Variants in TASOR observed in about 807,000 individuals in gnomAD.
TASOR encodes the protein transcription activation suppressor, also known as protein TASOR.
In TASOR, 53 loss-of-function variants were observed where a neutral mutation model predicts 178.6. The ratio of observed to expected loss-of-function variants is 0.30; its 90% confidence interval spans 0.24 to 0.37. The LOEUF is 0.37. TASOR is among the 10% of genes least tolerant of loss of function. The pLI is 1.00. For synonymous variants in TASOR, 713 were observed against 696.2 expected, an observed-to-expected ratio of 1.02 and a Z score of -0.38; for missense variants, 1,815 against 1,971.4, an observed-to-expected ratio of 0.92 and a Z score of 1.50.
At position 56,650,785 on chromosome 3, in the gene TASOR, G is replaced by C. The variant is rs891315158; in HGVS notation, c.1369-1728C>G. ...TTGGCCCTGCAAGATATTTAACTGG[G>C]TCTTACGGCTACCATTTATAGCCAC... On this transcript the variant is annotated intron_variant, in intron 11 of 23. Transcript: ENST00000683822. Among the ~76,000 whole-genome samples the C allele has an allele frequency of 4.6e-5, 7 of 152,258 alleles. 1 individual carries two copies. Among genetic ancestry groups the C allele is most frequent in the Admixed American group, 1.3e-4 (2 of 15,296 alleles).
chr3:56,663,933 A>G (rs763557604), intron 7 of TASOR: 19 of 862,610 alleles, frequency 2.2e-5, no homozygotes, highest in Non-Finnish European at 2.2e-5. Context: ...CAGTAAATAC[A>G]TACTAAGCTC....
At position 56,647,102 on chromosome 3, in the gene TASOR, T is replaced by G; in HGVS notation, c.1635A>C (p.Ile545=). 1 of 1,606,298 alleles carries G rather than the reference T, an allele frequency of 6.2e-7. No individual in the cohort carries two copies. The highest frequency in any genetic ancestry group is 8.5e-7 in the Non-Finnish European group (1 of 1,178,304). ...LIQCRKEFKN[I]SAINFHSVVE... ...CAACAGAATGAAAATTTATGGCGCT[T>G]ATATTTTTGAATTCCTTTCGACACT... The change falls in exon 14 of 24, where the codon ATA becomes ATC. Residue 545 remains isoleucine, a synonymous_variant. Coordinates refer to ENST00000683822, the MANE Select transcript of TASOR (RefSeq NM_001365635.2).
chr3:56,658,946 CTGTG>C (rs58622702), intron 11 of TASOR, among the ~76,000 whole-genome samples: 6,076 of 147,496 alleles, frequency 0.041, 194 homozygotes, highest in Middle Eastern at 0.065. Flanking sequence ...GAGAGAGAGA[CTGTG>C]TGTGTGTGTG....
At chr3:56,643,769 C>CA (rs66937003) in intron 14 of TASOR, among the ~76,000 whole-genome samples, 19 of 101,772 alleles carry the variant, frequency 1.9e-4, no homozygotes, top group Middle Eastern at 5.0e-3. Context: ...AAAAAAAAAA[C>CA]AAAAAAAAAA....
intron 23 of TASOR, 144 bp from the exon 24 acceptor site, chr3:56,623,710 A>G: frequency 1.3e-6 from 2 of 1,541,808 alleles, no homozygotes; most frequent in Non-Finnish European, 1.7e-6. Flanking sequence ...CCACAAGTTC[A>G]CTTAGTCACA....
Position 56,648,991 on chromosome 3 carries a change from G to A in TASOR, c.1435C>T (p.Pro479Ser). ...TTAAAGAGAGACCACCTACCATATG[G>A]AGGAACCATCTGATAAGGGGAGAGA... ...FLLSPYQMVP[P>S]YEYQTAKSRV... is the part of the protein sequence containing the mutation. Residue 479 changes from proline to serine, a missense_variant, in exon 12 of 24, where the codon CCA becomes TCA. Physicochemically the swap from Pro to Ser is moderately conservative, Grantham distance 74 (BLOSUM62 -1). Around this residue, in one of 5 missense-constraint regions of TASOR, gnomAD observed 504 missense variants for 645.3 expected, o/e 0.78. Coordinates refer to ENST00000683822, the MANE Select transcript of TASOR (RefSeq NM_001365635.2). 2 of 1,608,110 alleles carry A rather than the reference G, an allele frequency of 1.2e-6. No homozygotes were observed. Among genetic ancestry groups the A allele is most frequent in the Non-Finnish European group, 1.7e-6 (2 of 1,178,234 alleles).
intron 4 of TASOR, 73 bp from the exon 5 acceptor site, chr3:56,669,864 TAAGAAGTTA>T: frequency 8.8e-7 from 1 of 1,138,892 alleles, no homozygotes; most frequent in Non-Finnish European, 1.2e-6. Flanking sequence ...AAGACATTTT[TAAGAAGTTA>T]TCCTTCATCA....
At chr3:56,681,858 T>C (rs1387921485) in intron 1 of TASOR, among the ~76,000 whole-genome samples, 3 of 152,200 alleles carry the variant, frequency 2.0e-5, no homozygotes, top group Admixed American at 6.5e-5. Flanking sequence ...TGTAACTGTT[T>C]CCATATGGGT....
At chr3:56,664,157 T>C (rs141677523) in intron 7 of TASOR, 2 of 151,038 alleles carry the variant, frequency 1.3e-5, no homozygotes, top group East Asian at 3.9e-4. Flanking sequence ...AAATGTAGAA[T>C]GAATTATGCA....
At position 56,631,069 on chromosome 3, in the gene TASOR, C is replaced by G. The variant is rs373566921; in HGVS notation, c.3747+1975G>C. ...ACTGTGCTAGGGAACTTGTTGCTGG[C>G]TGGTGGGGAAAAGTTGAGAAACTCT... On this transcript the variant is annotated intron_variant, in intron 18 of 23. Coordinates refer to ENST00000683822, the MANE Select transcript of TASOR (RefSeq NM_001365635.2). Among the ~76,000 whole-genome samples, 40 of 152,128 alleles carry G rather than the reference C, an allele frequency of 2.6e-4. No individual in the cohort carries two copies. The Middle Eastern group carries it at 0.014, about 52-fold the overall frequency.
chr3:56,679,101 G>A (rs779862078), intron 1 of TASOR, among the ~76,000 whole-genome samples: 122 of 151,958 alleles, frequency 8.0e-4, no homozygotes, highest in Non-Finnish European at 1.5e-3. Flanking sequence ...AGAAGATGAC[G>A]AAATAATTAG....
intron 14 of TASOR, 142 bp from the exon 15 acceptor site, chr3:56,641,894 A>G: frequency 2.6e-6 from 2 of 774,978 alleles, no homozygotes; most frequent in East Asian, 2.8e-5. Context: ...AAATATTCGC[A>G]TCACTTTACA....
In TASOR at chr3:56,673,587, T is replaced by C; in HGVS notation, c.470A>G (p.Glu157Gly). 6.5e-7 allele frequency: 1 copy of C among 1,544,536 alleles called. No homozygotes were observed. The highest frequency in any genetic ancestry group is 8.7e-7 in the Non-Finnish European group (1 of 1,144,700). Residue 157 changes from glutamate to glycine, a missense_variant, in exon 2 of 24, where the codon GAA (glutamate) becomes GGA (glycine). Around this residue, in one of 5 missense-constraint regions of TASOR, gnomAD observed 504 missense variants for 645.3 expected, o/e 0.78. Transcript: ENST00000683822. ...RACLVHNELL[E>G]KEFTEKRREL... is the part of the protein sequence containing the mutation. ...GTATAATTTAAAACATACCTCCTTT[T>C]CCAAAAGCTCATTGTGTACCAAGCA...
intron 1 of TASOR, among the ~76,000 whole-genome samples, chr3:56,679,122 C>A (rs1484938150): frequency 1.3e-5 from 2 of 152,050 alleles, no homozygotes; most frequent in Non-Finnish European, 2.9e-5. Flanking sequence ...CAAGAAGAGG[C>A]TGAGGATCTG....
intron 18 of TASOR, among the ~76,000 whole-genome samples, chr3:56,631,576 G>GTTTTTTTT (rs796072760): frequency 2.7e-5 from 3 of 111,012 alleles, no homozygotes; most frequent in Non-Finnish European, 3.5e-5. Flanking sequence ...GTGTGTCTGT[G>GTTTTTTTT]TTTTTTTGTT....
intron 11 of TASOR, among the ~76,000 whole-genome samples, 171 bp downstream of exon 11, chr3:56,660,560 A>T (rs1197214152): frequency 6.6e-6 from 1 of 152,056 alleles, no homozygotes; most frequent in East Asian, 1.9e-4. Context: ...CCATGGCCCA[A>T]ATAAAAGAAT....
chr3:56,663,425 A>G, intron 8 of TASOR, 116 bp downstream of exon 8: 1 of 592,512 alleles, frequency 1.7e-6, no homozygotes, highest in Non-Finnish European at 2.4e-6. Flanking sequence ...CTACATTATA[A>G]CTTTTCATAC....
At chr3:56,676,196 T>C (rs1470969100) in intron 1 of TASOR, among the ~76,000 whole-genome samples, 1 of 152,228 alleles carries the variant, frequency 6.6e-6, no homozygotes, top group African/African-American at 2.4e-5. Flanking sequence ...TCCCAGTAGC[T>C]AGACCTGTGA....
At chr3:56,659,961 T>A (rs1001170456) in intron 11 of TASOR, among the ~76,000 whole-genome samples, 2 of 151,788 alleles carry the variant, frequency 1.3e-5, no homozygotes, top group Non-Finnish European at 2.9e-5. Context: ...CACAACCTCT[T>A]CCTCCTGGGT....
Sources: gnomAD v4.1 joint callset for allele counts (sites outside exome capture counted in the v4.1 genomes callset) on GRCh38, gnomAD v4.1.1 for gene constraint, gnomAD v4.1.1 regional missense constraint, MANE v1.5 for transcripts, NCBI Gene and HGNC (gene_info 2026-07-23, HGNC 2026-07-21) for gene names.